The following SCHIP1 variants were observed in gnomAD, a reference collection of about 807,000 sequenced individuals.
SCHIP1 encodes schwannomin-interacting protein 1.
A neutral mutation model predicts 29.7 loss-of-function variants in SCHIP1; 8 were observed. The observed-to-expected ratio is 0.27, with a 90% CI of 0.16 to 0.49. The LOEUF (loss-of-function observed/expected upper bound fraction) is 0.49, where lower values mean the gene tolerates loss of function less well. Ranked by LOEUF, SCHIP1 falls within the 20% of genes least tolerant of loss-of-function variation. The probability of loss-of-function intolerance (pLI) is 0.99; values close to 1 mark genes in which losing one functional copy is unlikely to be tolerated. For synonymous variants in SCHIP1, 76 were observed against 94.9 expected (o/e 0.80, Z 1.16); for missense variants, 193 against 294.6 (o/e 0.66, Z 2.52).
the SCHIP1 span, among the ~76,000 whole-genome samples, chr3:159,388,989 C>T: frequency 6.6e-6 from 1 of 151,880 alleles, no homozygotes; most frequent in Non-Finnish European, 1.5e-5. Context: ...AAATGTCTTT[C>T]GTAAGACACC....
the SCHIP1 span, among the ~76,000 whole-genome samples, chr3:159,560,859 C>T: frequency 6.6e-6 from 1 of 152,204 alleles, no homozygotes; most frequent in Admixed American, 6.5e-5. Context: ...AGAATTCAGT[C>T]ATGCTCATCA....
chr3:159,744,828 CA>C, the SCHIP1 span, among the ~76,000 whole-genome samples: 2 of 151,970 alleles, frequency 1.3e-5, no homozygotes, highest in Admixed American at 1.3e-4. Context: ...AAAAATAATA[CA>C]AAAAAATTAG....
chr3:159,373,042 T>G, the SCHIP1 span, among the ~76,000 whole-genome samples: 2 of 143,864 alleles, frequency 1.4e-5, no homozygotes, highest in Non-Finnish European at 3.1e-5. Flanking sequence ...AAATTTAAAT[T>G]TGTTTTTAAT....
chr3:159,398,057 C>G, the SCHIP1 span, among the ~76,000 whole-genome samples: 1 of 152,170 alleles, frequency 6.6e-6, no homozygotes, highest in Non-Finnish European at 1.5e-5. Context: ...ATTGGAAAAG[C>G]GCAGTATTCA....
At chr3:159,511,176 C>T in the SCHIP1 span, among the ~76,000 whole-genome samples, 320 of 152,330 alleles carry the variant, frequency 2.1e-3, 1 homozygote, top group Middle Eastern at 0.031. Context: ...GGTGGGCACC[C>T]CTCGCCCAGC....
At chr3:159,297,127 TG>T in the SCHIP1 span, among the ~76,000 whole-genome samples, 8 of 272 alleles carry the variant, frequency 0.029, no homozygotes, top group East Asian at 0.19. Flanking sequence ...AATATTCCAT[TG>T]TGTGTGTGTG....
the SCHIP1 span, among the ~76,000 whole-genome samples, chr3:159,754,609 T>G: frequency 4.6e-5 from 7 of 152,372 alleles, no homozygotes; most frequent in South Asian, 1.0e-3. Flanking sequence ...GTTTAGTCAC[T>G]GATTCCCCCT....
rs1440922016 is a variant in SCHIP1 at position 159,842,997 on chromosome 3, C to CTTTTTTTTTTTTTTT, written c.30+2786_30+2787insTTTTTTTTTTTTTTT. On this transcript the variant is annotated intron_variant, in intron 1 of 6. Coordinates refer to ENST00000445224, the Ensembl canonical transcript of SCHIP1. ...GCTCTCCAGTTCTATCCCAATATTT[C>CTTTTTTTTTTTTTTT]TTTCTTTTTTTTTTTTTTTTTTTTT... 5.3e-3 allele frequency among the ~76,000 whole-genome samples: 326 copies of CTTTTTTTTTTTTTTT among 61,642 alleles called. 52 individuals are homozygous for CTTTTTTTTTTTTTTT. The highest frequency in any genetic ancestry group is 7.9e-3 in the Admixed American group (36 of 4,546). The allele number at this position is 61,642 out of a possible 152,430, so 40.4% of individuals were successfully genotyped here. A position where few individuals can be genotyped will look rare whatever the true frequency, so the allele number is the denominator to read the frequency against.
the SCHIP1 span, among the ~76,000 whole-genome samples, chr3:159,727,368 A>G: frequency 2.0e-5 from 3 of 152,176 alleles, no homozygotes. Context: ...CATAAGTTCC[A>G]TGAGTATTAT....
chr3:159,823,780 A>G, the SCHIP1 span, among the ~76,000 whole-genome samples: 1 of 152,168 alleles, frequency 6.6e-6, no homozygotes, highest in African/African-American at 2.4e-5. Context: ...TGACCTCCGT[A>G]GGCTTTGAAA....
At chr3:159,838,850 C>T (rs1743926878), upstream of SCHIP1, among the ~76,000 whole-genome samples, 1 of 149,526 alleles carries the variant, frequency 6.7e-6, no homozygotes, top group African/African-American at 2.5e-5. Flanking sequence ...GCTCAGATCT[C>T]GCCACTCGCC....
chr3:159,308,117 T>C, the SCHIP1 span, among the ~76,000 whole-genome samples: 2 of 152,284 alleles, frequency 1.3e-5, 1 homozygote, highest in African/African-American at 4.8e-5. Context: ...GAAGAATGAC[T>C]TTGGGAGTTT....
the SCHIP1 span, among the ~76,000 whole-genome samples, chr3:159,313,723 T>G: frequency 6.6e-6 from 1 of 151,538 alleles, no homozygotes. Flanking sequence ...TCCCACTAAT[T>G]TTTTTTTTCT....
the SCHIP1 span, among the ~76,000 whole-genome samples, chr3:159,405,858 A>G: frequency 1.3e-5 from 2 of 149,336 alleles, no homozygotes; most frequent in African/African-American, 5.0e-5. Flanking sequence ...TCTCCAGCCT[A>G]GGCAATAGAG....
chr3:159,343,804 C>T, the SCHIP1 span, among the ~76,000 whole-genome samples: 1 of 152,144 alleles, frequency 6.6e-6, no homozygotes, highest in African/African-American at 2.4e-5. Flanking sequence ...ATTGCACATG[C>T]TTAATCTGCA....
At chr3:159,278,765 A>T in the SCHIP1 span, among the ~76,000 whole-genome samples, 4 of 152,168 alleles carry the variant, frequency 2.6e-5, no homozygotes, top group African/African-American at 9.6e-5. Context: ...ATACATGGTG[A>T]ATCTAGGCTA....
At chr3:159,727,290 A>G in the SCHIP1 span, among the ~76,000 whole-genome samples, 1 of 152,182 alleles carries the variant, frequency 6.6e-6, no homozygotes, top group African/African-American at 2.4e-5. Flanking sequence ...TTTTATCTTC[A>G]TCACAGAATT....
At chr3:159,680,725 T>C in the SCHIP1 span, among the ~76,000 whole-genome samples, 1 of 71,564 alleles carries the variant, frequency 1.4e-5, no homozygotes, top group Non-Finnish European at 2.4e-5. Flanking sequence ...TATATGTATA[T>C]ATATAATATA....
the SCHIP1 span, among the ~76,000 whole-genome samples, chr3:159,330,186 A>G: frequency 1.3e-5 from 2 of 152,204 alleles, no homozygotes; most frequent in African/African-American, 4.8e-5. Context: ...AGTTACAGTC[A>G]TATACATTTT....
Sources: gnomAD v4.1 joint callset for allele counts (sites outside exome capture counted in the v4.1 genomes callset) on GRCh38, gnomAD v4.1.1 for gene constraint, MANE v1.5 for transcripts, NCBI Gene and HGNC (gene_info 2026-07-23, HGNC 2026-07-21) for gene names.